Variants in ZBTB44 observed in about 807,000 individuals in gnomAD.
ZBTB44 encodes zinc finger and BTB domain-containing protein 44.
Under a neutral mutation model 54.0 loss-of-function variants are expected in ZBTB44, and 15 were observed. That is an observed-to-expected ratio of 0.28 (90% CI 0.19 to 0.43). ZBTB44 has a LOEUF of 0.43. Ranked by LOEUF, ZBTB44 falls within the 20% of genes least tolerant of loss-of-function variation. The pLI is 1.00. For missense variants in ZBTB44, 487 were observed against 707.1 expected (o/e 0.69, Z 3.53); for synonymous variants, 230 against 250.1 (o/e 0.92, Z 0.76).
At position 130,238,076 on chromosome 11, in the gene ZBTB44, TAA is replaced by T. The variant is rs529455539; in HGVS notation, c.1267+366_1267+367del. On this transcript the variant is annotated intron_variant, in intron 4 of 7. Transcript: ENST00000357899. ...TTTTATTTGGGAAAAATTTCAAACT[TAA>T]AGAGACATTATAAGAAGAACAGCAC... 3.2e-4 allele frequency among the ~76,000 whole-genome samples: 48 copies of T among 152,330 alleles called. 1 individual carries two copies. The East Asian group carries it at 9.0e-3, about 29-fold the overall frequency.
chr11:130,280,293 GTAAC>G, intron 1 of ZBTB44, among the ~76,000 whole-genome samples: 2 of 152,288 alleles, frequency 1.3e-5, no homozygotes, highest in Non-Finnish European at 2.9e-5. Flanking sequence ...CTGTTTATAA[GTAAC>G]TAACTTCAAA....
chr11:130,272,248 A>G (rs1341839932), intron 1 of ZBTB44, among the ~76,000 whole-genome samples: 1 of 152,120 alleles, frequency 6.6e-6, no homozygotes, highest in Non-Finnish European at 1.5e-5. Flanking sequence ...AAAAGAGTGT[A>G]TGAGGATTCT....
At chr11:130,245,667 G>C (rs965792388) in intron 2 of ZBTB44, among the ~76,000 whole-genome samples, 1 of 143,672 alleles carries the variant, frequency 7.0e-6, no homozygotes, top group Admixed American at 6.8e-5. Context: ...TCACTATCAG[G>C]TTGTGAGAAG....
At chr11:130,283,838 C>T (rs1374174718) in intron 1 of ZBTB44, among the ~76,000 whole-genome samples, 6 of 151,684 alleles carry the variant, frequency 4.0e-5, no homozygotes, top group Non-Finnish European at 8.8e-5. Flanking sequence ...GGCATGATGG[C>T]AGGTGCCTGC....
At chr11:130,289,682 G>A (rs1016241977) in intron 1 of ZBTB44, among the ~76,000 whole-genome samples, 1 of 152,068 alleles carries the variant, frequency 6.6e-6, no homozygotes, top group Non-Finnish European at 1.5e-5. Flanking sequence ...TGTGGGGATC[G>A]TTTTGTTACC....
intron 2 of ZBTB44, among the ~76,000 whole-genome samples, chr11:130,256,837 C>CA (rs1938480621): frequency 6.6e-6 from 1 of 151,962 alleles, no homozygotes; most frequent in Admixed American, 6.6e-5. Flanking sequence ...AAAACCGGCA[C>CA]AAGACAAGGA....
rs1342740283 is a variant in ZBTB44, at chr11:130,296,207, T to C, written c.-57+18168A>G. On this transcript the variant is annotated intron_variant, in intron 1 of 7. Coordinates refer to ENST00000357899, the MANE Select transcript of ZBTB44 (RefSeq NM_001301098.2). ...TCTGAAAAAAGGAGCCATTGTATGT[T>C]AGTGTTGATGATGATAAAGCTAATA... is the stretch of plus-strand genomic sequence containing the variant. The C allele has an allele frequency of 2.3e-6, 3 of 1,294,176 alleles. No individual in the cohort carries two copies. In the Admixed American group the frequency reaches 5.5e-5, roughly 24 times the overall value. 80.2% of individuals were successfully genotyped at this position (1,294,176 alleles called of 1,614,324 possible). A position where few individuals can be genotyped will look rare whatever the true frequency, so the allele number is the denominator to read the frequency against.
intron 2 of ZBTB44, among the ~76,000 whole-genome samples, chr11:130,260,004 T>C (rs1319931796): frequency 6.6e-6 from 1 of 151,910 alleles, no homozygotes; most frequent in Non-Finnish European, 1.5e-5. Flanking sequence ...TTATTTTCAA[T>C]CTAAAAAGAT....
At chr11:130,294,538 CAAAAAAAAAAAA>C (rs11322495) in intron 1 of ZBTB44, among the ~76,000 whole-genome samples, 2,059 of 48,872 alleles carry the variant, frequency 0.042, 49 homozygotes, top group African/African-American at 0.097. Flanking sequence ...TCTATATGAC[CAAAAAAAAAAAA>C]AAAAAAAAAA....
chr11:130,234,653 TTGAG>T (rs1212894389), intron 5 of ZBTB44, among the ~76,000 whole-genome samples: 11 of 152,310 alleles, frequency 7.2e-5, no homozygotes, highest in African/African-American at 2.4e-4. Context: ...TGATTATACA[TTGAG>T]TAAGAGATAT....
intron 1 of ZBTB44, among the ~76,000 whole-genome samples, chr11:130,287,750 T>A (rs1941052145): frequency 1.3e-5 from 2 of 152,224 alleles, no homozygotes; most frequent in South Asian, 4.1e-4. Context: ...TAGAGTGGGA[T>A]TAACACTAGA....
chr11:130,298,722 C>A (rs1941816592), intron 1 of ZBTB44, among the ~76,000 whole-genome samples: 1 of 151,946 alleles, frequency 6.6e-6, no homozygotes, highest in Non-Finnish European at 1.5e-5. Context: ...CTCAGCCTCC[C>A]AAAGTGCTAG....
chr11:130,303,126 T>C (rs1942074883), intron 1 of ZBTB44, among the ~76,000 whole-genome samples: 1 of 152,180 alleles, frequency 6.6e-6, no homozygotes, highest in African/African-American at 2.4e-5. Context: ...TAGGCAAGGA[T>C]CAGATACCTA....
chr11:130,252,304 T>G (rs371598947), intron 2 of ZBTB44, among the ~76,000 whole-genome samples: 1 of 152,186 alleles, frequency 6.6e-6, no homozygotes, highest in Non-Finnish European at 1.5e-5. Context: ...CAAAGAGACT[T>G]AGACCCCCAC....
At chr11:130,254,982 C>G (rs924058073) in intron 2 of ZBTB44, among the ~76,000 whole-genome samples, 2 of 148,694 alleles carry the variant, frequency 1.3e-5, no homozygotes, top group African/African-American at 5.0e-5. Flanking sequence ...GGACAAAAAA[C>G]CAAACACTGC....
At chr11:130,238,092 G>A (rs1954190379) in intron 4 of ZBTB44, among the ~76,000 whole-genome samples, 1 of 152,268 alleles carries the variant, frequency 6.6e-6, no homozygotes, top group African/African-American at 2.4e-5. Flanking sequence ...GACATTATAA[G>A]AAGAACAGCA....
intron 1 of ZBTB44, among the ~76,000 whole-genome samples, chr11:130,282,976 C>T (rs994038164): frequency 6.6e-6 from 1 of 151,158 alleles, no homozygotes; most frequent in African/African-American, 2.4e-5. Context: ...CTGTGACTAG[C>T]TCCAATATTT....
intron 1 of ZBTB44, among the ~76,000 whole-genome samples, chr11:130,308,036 A>G (rs1472748503): frequency 6.6e-6 from 1 of 152,198 alleles, no homozygotes; most frequent in East Asian, 1.9e-4. Flanking sequence ...CTGTAATACC[A>G]TATTTTTACT....
intron 5 of ZBTB44, 78 bp from the exon 6 acceptor site, chr11:130,234,351 T>A: frequency 7.3e-7 from 1 of 1,375,660 alleles, no homozygotes; most frequent in South Asian, 1.6e-5. Flanking sequence ...AAAGCTCTGA[T>A]TTATACAACA....
Sources: gnomAD v4.1 joint callset for allele counts (sites outside exome capture counted in the v4.1 genomes callset) on GRCh38, gnomAD v4.1.1 for gene constraint, MANE v1.5 for transcripts, NCBI Gene and HGNC (gene_info 2026-07-23, HGNC 2026-07-21) for gene names.